The following GRM8 variants were observed in gnomAD, a reference collection of about 807,000 sequenced individuals.
The protein encoded by GRM8 is glutamate metabotropic receptor 8.
A neutral mutation model predicts 87.2 loss-of-function variants in GRM8; 47 were observed. That is an observed-to-expected ratio of 0.54 (90% confidence interval 0.43 to 0.69). The LOEUF (loss-of-function observed/expected upper bound fraction) is 0.69. Among genes scored for constraint, GRM8 ranks in the 30% least tolerant of loss-of-function variants. The probability of loss-of-function intolerance (pLI) is 0.00; values close to 1 mark genes in which losing one functional copy is unlikely to be tolerated. For missense variants in GRM8, 1,019 were observed against 1,139.2 expected, an observed-to-expected ratio of 0.89 and a Z score of 1.52; for synonymous variants, 396 against 404.5, an observed-to-expected ratio of 0.98 and a Z score of 0.25.
chr7:127,079,735 T>C (rs1822653125), intron 3 of GRM8, among the ~76,000 whole-genome samples: 1 of 152,322 alleles, frequency 6.6e-6, no homozygotes, highest in East Asian at 1.9e-4. Flanking sequence ...TGCCTCGGGA[T>C]ACATTGGCCC....
chr7:126,985,728 A>C (rs1037342020), intron 3 of GRM8, among the ~76,000 whole-genome samples: 3 of 152,012 alleles, frequency 2.0e-5, no homozygotes, highest in African/African-American at 7.2e-5. Flanking sequence ...TTCTGATAAA[A>C]CCACCAGTCA....
chr7:126,744,464 C>G (rs1381650780), intron 7 of GRM8, among the ~76,000 whole-genome samples: 2 of 151,998 alleles, frequency 1.3e-5, no homozygotes, highest in Non-Finnish European at 2.9e-5. Flanking sequence ...TCTGATTACA[C>G]TGGTGGTGAT....
At chr7:127,163,815 A>G (rs1269273424) in intron 2 of GRM8, among the ~76,000 whole-genome samples, 1 of 152,182 alleles carries the variant, frequency 6.6e-6, no homozygotes, top group South Asian at 2.1e-4. Context: ...TTTTTCCATC[A>G]TAAAGAAATT....
At chr7:127,226,713 T>G (rs1231437908) in intron 2 of GRM8, among the ~76,000 whole-genome samples, 3 of 152,260 alleles carry the variant, frequency 2.0e-5, no homozygotes, top group Non-Finnish European at 4.4e-5. Flanking sequence ...CTTTCTGTCT[T>G]GAGCTGATTA....
At chr7:126,995,628 G>A (rs1299652629) in intron 3 of GRM8, among the ~76,000 whole-genome samples, 2 of 152,150 alleles carry the variant, frequency 1.3e-5, no homozygotes, top group African/African-American at 4.8e-5. Flanking sequence ...AAGAATTAAT[G>A]AGCTTGAAGA....
At chr7:127,128,156 G>A (rs1009758578) in intron 2 of GRM8, among the ~76,000 whole-genome samples, 3 of 152,118 alleles carry the variant, frequency 2.0e-5, no homozygotes, top group African/African-American at 7.2e-5. Flanking sequence ...CTCACCCAAT[G>A]ATGCTCAAAG....
At chr7:127,204,301 C>A (rs1054640625) in intron 2 of GRM8, among the ~76,000 whole-genome samples, 1 of 152,154 alleles carries the variant, frequency 6.6e-6, no homozygotes, top group Non-Finnish European at 1.5e-5. Flanking sequence ...CAGCAAAGGA[C>A]AACAGATTCT....
intron 6 of GRM8, among the ~76,000 whole-genome samples, chr7:126,864,360 G>A (rs1193882034): frequency 2.0e-5 from 3 of 151,900 alleles, no homozygotes; most frequent in Non-Finnish European, 4.4e-5. Context: ...TCCTGCTTTA[G>A]ATTTTTTTTA....
chr7:126,892,600 T>A (rs1300553099), intron 6 of GRM8, among the ~76,000 whole-genome samples: 2 of 152,144 alleles, frequency 1.3e-5, no homozygotes, highest in Admixed American at 6.6e-5. Context: ...TAAACATACA[T>A]GTGCGTGTGT....
At chr7:126,962,971 C>T (rs1809469576) in intron 3 of GRM8, among the ~76,000 whole-genome samples, 1 of 152,212 alleles carries the variant, frequency 6.6e-6, no homozygotes, top group Non-Finnish European at 1.5e-5. Flanking sequence ...ACTTCTCTTC[C>T]TATATGTCTC....
intron 3 of GRM8, among the ~76,000 whole-genome samples, chr7:127,030,643 T>C (rs925262600): frequency 1.4e-4 from 21 of 152,224 alleles, no homozygotes; most frequent in South Asian, 1.2e-3. Context: ...TGAATTCTAT[T>C]TGGAACACTT....
chr7:127,124,780 C>T (rs1436494289), intron 2 of GRM8, among the ~76,000 whole-genome samples: 1 of 152,078 alleles, frequency 6.6e-6, no homozygotes, highest in Admixed American at 6.6e-5. Context: ...CCAGATGTAG[C>T]CCCTACCCTT....
At chr7:126,503,090 A>G (rs755601916) in intron 9 of GRM8, among the ~76,000 whole-genome samples, 3 of 151,992 alleles carry the variant, frequency 2.0e-5, no homozygotes, top group Non-Finnish European at 4.4e-5. Flanking sequence ...GACAGTATTT[A>G]TCTTCCTACT....
chr7:126,717,279 G>A (rs1450661504), intron 7 of GRM8, among the ~76,000 whole-genome samples: 1 of 152,158 alleles, frequency 6.6e-6, no homozygotes, highest in East Asian at 1.9e-4. Flanking sequence ...TTCTAGAAGG[G>A]TGGAGATGGA....
intron 3 of GRM8, among the ~76,000 whole-genome samples, chr7:127,012,105 C>T (rs954359829): frequency 2.0e-5 from 3 of 152,174 alleles, no homozygotes; most frequent in Non-Finnish European, 4.4e-5. Flanking sequence ...CTGCGCTTAA[C>T]TGTCAACTCA....
intron 2 of GRM8, among the ~76,000 whole-genome samples, chr7:127,161,514 G>A (rs1793114997): frequency 6.6e-6 from 1 of 152,138 alleles, no homozygotes; most frequent in African/African-American, 2.4e-5. Context: ...CAATTGCAGG[G>A]GGCTGATGTG....
intron 3 of GRM8, among the ~76,000 whole-genome samples, chr7:126,930,994 C>T (rs933628471): frequency 1.3e-5 from 2 of 152,086 alleles, no homozygotes; most frequent in African/African-American, 4.8e-5. Flanking sequence ...TGGAGAGATA[C>T]TTTTGAAGTT....
At chr7:126,439,231 A>T (rs1325468819) in intron 10 of GRM8, 63 bp from the exon 11 acceptor site, 8 of 943,668 alleles carry the variant, frequency 8.5e-6, no homozygotes, top group African/African-American at 1.6e-5. Flanking sequence ...TGTTAATATG[A>T]TTTTAAAATT....
chr7:127,229,613 G>T (rs1005814371), intron 2 of GRM8: 1 of 152,186 alleles, frequency 6.6e-6, no homozygotes, highest in Admixed American at 6.5e-5. Flanking sequence ...CATTTAAATA[G>T]GTGGGGTTAA....
Sources: gnomAD v4.1 joint callset for allele counts (sites outside exome capture counted in the v4.1 genomes callset) on GRCh38, gnomAD v4.1.1 for gene constraint, MANE v1.5 for transcripts, NCBI Gene and HGNC (gene_info 2026-07-23, HGNC 2026-07-21) for gene names.